The following PPP6R3 variants were observed in gnomAD, a reference collection of about 807,000 sequenced individuals.
PPP6R3 encodes serine/threonine-protein phosphatase 6 regulatory subunit 3.
PPP6R3 carries 38 observed loss-of-function variants against 110.7 expected under a neutral mutation model. The ratio of observed to expected loss-of-function variants is 0.34; its 90% CI spans 0.26 to 0.45. PPP6R3 has a LOEUF of 0.45. Among genes scored for constraint, PPP6R3 ranks in the 20% least tolerant of loss-of-function variants. The pLI is 1.00. For missense variants in PPP6R3, 870 were observed against 1,062.4 expected (o/e 0.82, Z 2.52); for synonymous variants, 369 against 373.5 (o/e 0.99, Z 0.14).
intron 21 of PPP6R3, among the ~76,000 whole-genome samples, chr11:68,602,685 A>G (rs1346798485): frequency 6.6e-6 from 1 of 152,212 alleles, no homozygotes; most frequent in Non-Finnish European, 1.5e-5. Context: ...TGCTGGTTTC[A>G]TCATCCTCCT....
intron 8 of PPP6R3, among the ~76,000 whole-genome samples, 165 bp downstream of exon 8, chr11:68,558,844 T>G (rs556416046): frequency 2.0e-5 from 3 of 152,358 alleles, no homozygotes; most frequent in East Asian, 1.9e-4. Context: ...ATACCACATA[T>G]TGGGATGCAG....
intron 6 of PPP6R3, among the ~76,000 whole-genome samples, chr11:68,552,819 G>T (rs1302525171): frequency 6.6e-6 from 1 of 152,210 alleles, no homozygotes. Context: ...GCTCAGTAGG[G>T]GCTGTCTGAA....
rs34315514 is a variant in PPP6R3 at position 68,574,178 on chromosome 11, C to T, written c.1413C>T (p.Ser471=). 2.5e-4 allele frequency: 397 copies of T among 1,614,066 alleles called. 1 individual carries two copies. In the African/African-American group the frequency reaches 4.7e-3, roughly 19 times the overall value. ...GGATAGCTAACTGTATCGTGCACAGCACTGACAAGGGCCCCAACAGTGCAT... is the reference window on the plus strand; with the variant it reads ...GGATAGCTAACTGTATCGTGCACAGTACTGACAAGGGCCCCAACAGTGCAT... ...LTRIANCIVH[S]TDKGPNSALV... Residue 471 remains serine, a synonymous_variant, in exon 13 of 24, where the codon AGC becomes AGT. Transcript: ENST00000393800.
intron 1 of PPP6R3, 149 bp downstream of exon 1, chr11:68,460,976 C>G (rs1003225661): frequency 2.0e-5 from 3 of 151,806 alleles, no homozygotes; most frequent in African/African-American, 7.2e-5. Context: ...ATTCGTCGCT[C>G]CGCGGGCCCG....
At chr11:68,546,154 G>A (rs893458753) in intron 4 of PPP6R3, among the ~76,000 whole-genome samples, 1 of 152,158 alleles carries the variant, frequency 6.6e-6, no homozygotes, top group African/African-American at 2.4e-5. Flanking sequence ...TAAGTTGATT[G>A]GAAATGAGAT....
intron 2 of PPP6R3, among the ~76,000 whole-genome samples, chr11:68,529,185 T>C (rs1212854002): frequency 6.6e-6 from 1 of 152,188 alleles, no homozygotes; most frequent in African/African-American, 2.4e-5. Flanking sequence ...TAAAATGAAA[T>C]CAATTCTCAG....
chr11:68,594,917 G>A (rs552011186), intron 18 of PPP6R3, among the ~76,000 whole-genome samples: 38 of 152,256 alleles, frequency 2.5e-4, no homozygotes, highest in African/African-American at 8.2e-4. Flanking sequence ...ACAGGCCTAC[G>A]CATATATGGA....
intron 1 of PPP6R3, among the ~76,000 whole-genome samples, chr11:68,485,112 T>C (rs1485925767): frequency 6.6e-6 from 1 of 152,092 alleles, no homozygotes; most frequent in East Asian, 1.9e-4. Context: ...ATATTTTGTT[T>C]TATACCTAAG....
chr11:68,571,283 C>T (rs1241883360), intron 12 of PPP6R3, 179 bp downstream of exon 12: 1 of 895,856 alleles, frequency 1.1e-6, no homozygotes, highest in East Asian at 3.3e-5. Context: ...CTAATAATTT[C>T]TTGTTAGGTC....
intron 1 of PPP6R3, among the ~76,000 whole-genome samples, chr11:68,461,043 G>A (rs912007767): frequency 6.6e-6 from 1 of 151,774 alleles, no homozygotes; most frequent in African/African-American, 2.4e-5. Flanking sequence ...GTTAGCCGGG[G>A]GCCCCGCCAG....
intron 1 of PPP6R3, among the ~76,000 whole-genome samples, chr11:68,462,899 A>T (rs2098718457): frequency 6.6e-6 from 1 of 152,176 alleles, no homozygotes; most frequent in South Asian, 2.1e-4. Flanking sequence ...GAACTTAAGG[A>T]CAGGAAGAAG....
At chr11:68,519,987 G>A (rs1281689472) in intron 2 of PPP6R3, among the ~76,000 whole-genome samples, 5 of 152,176 alleles carry the variant, frequency 3.3e-5, no homozygotes, top group Non-Finnish European at 7.3e-5. Context: ...CCAGGGCACC[G>A]GGACTCTGTC....
intron 1 of PPP6R3, among the ~76,000 whole-genome samples, chr11:68,487,543 C>G (rs2098955756): frequency 6.6e-6 from 1 of 151,022 alleles, no homozygotes; most frequent in Non-Finnish European, 1.5e-5. Context: ...GCACTCCAGC[C>G]TGGGCAACAC....
intron 1 of PPP6R3, among the ~76,000 whole-genome samples, chr11:68,469,116 T>C (rs1230635890): frequency 6.6e-6 from 1 of 152,236 alleles, no homozygotes; most frequent in Non-Finnish European, 1.5e-5. Context: ...ATTTTAGGCA[T>C]TGGAGGCTAA....
rs185150205 is a variant in PPP6R3, at chr11:68,552,685, C to G, written c.619-1460C>G. ...TGTGGCCTGTGCAGGCCGTGGAGAG[C>G]CATGACAGGAGTGTGGCCTGCCCCG... On this transcript the variant is annotated intron_variant, in intron 6 of 23. Coordinates refer to ENST00000393800, the MANE Select transcript of PPP6R3 (RefSeq NM_001164161.2). 1.8e-3 allele frequency among the ~76,000 whole-genome samples: 276 copies of G among 152,270 alleles called. 1 individual carries two copies. Among genetic ancestry groups the G allele is most frequent in the Non-Finnish European group, 3.2e-3 (216 of 68,012 alleles).
rs1235802743 is a variant in PPP6R3, at chr11:68,614,167, T to A, written c.*1050T>A. On this transcript the variant is annotated 3_prime_UTR_variant, in exon 24 of 24. Transcript: ENST00000393800. ...GAAATCAAAATCTGGCACCGAAGCA[T>A]GCTAATTGTTTACTGTACCTTGTGA... 1.0e-6 allele frequency: 1 copy of A among 986,272 alleles called. No homozygotes were observed. Among genetic ancestry groups the A allele is most frequent in the Non-Finnish European group, 1.2e-6 (1 of 830,328 alleles). The allele number at this position is 986,272 out of a possible 1,614,324, so 61.1% of individuals were successfully genotyped here. A position where few individuals can be genotyped will look rare whatever the true frequency, so the allele number is the denominator to read the frequency against.
chr11:68,610,944 TCA>T (rs1275370095), intron 23 of PPP6R3, among the ~76,000 whole-genome samples: 1 of 152,028 alleles, frequency 6.6e-6, no homozygotes, highest in Non-Finnish European at 1.5e-5. Context: ...AATCCTGTAT[TCA>T]CAGTGTAGCA....
intron 1 of PPP6R3, 41 bp from the exon 2 acceptor site, chr11:68,519,460 G>A (rs1592427476): frequency 7.6e-6 from 3 of 395,098 alleles, no homozygotes; most frequent in Non-Finnish European, 1.3e-5. Context: ...CACACCAAAA[G>A]AGAACATATG....
At chr11:68,499,729 C>T (rs1271127311) in intron 1 of PPP6R3, among the ~76,000 whole-genome samples, 1 of 152,086 alleles carries the variant, frequency 6.6e-6, no homozygotes, top group African/African-American at 2.4e-5. Flanking sequence ...CGCGCACCAC[C>T]ACACCCGGCT....
Sources: allele counts gnomAD v4.1 joint callset (sites outside exome capture counted in the v4.1 genomes callset), GRCh38; gene constraint gnomAD v4.1.1; transcripts MANE v1.5; gene names NCBI Gene and HGNC (gene_info 2026-07-23, HGNC 2026-07-21).